UBE3C: variants seen among roughly 807,000 people sequenced by gnomAD.
UBE3C encodes ubiquitin-protein ligase E3C.
Under a neutral mutation model 129.4 loss-of-function variants are expected in UBE3C, and 42 were observed. That is an observed-to-expected ratio of 0.32 (90% CI 0.25 to 0.42). The LOEUF (loss-of-function observed/expected upper bound fraction) is 0.42. UBE3C is among the 10% of genes least tolerant of loss of function. The pLI is 1.00. For synonymous variants in UBE3C, 510 were observed against 492.4 expected (o/e 1.04, Z -0.47); for missense variants, 1,049 against 1,319.1 (o/e 0.80, Z 3.17).
intron 8 of UBE3C, 69 bp downstream of exon 8, chr7:157,182,397 G>C: frequency 6.7e-7 from 1 of 1,496,948 alleles, no homozygotes; most frequent in Non-Finnish European, 9.1e-7. Flanking sequence ...GTCAAGAGAA[G>C]GCCATGCAGT....
chr7:157,208,049 G>T, intron 13 of UBE3C, 114 bp downstream of exon 13: 1 of 124,486 alleles, frequency 8.0e-6, no homozygotes, highest in Non-Finnish European at 1.7e-5. Flanking sequence ...GTTTTAATTT[G>T]CAAGACTTTT....
rs1807631032 is a variant in UBE3C, at chr7:157,147,229, A to T, written c.66+7891A>T. On this transcript the variant is annotated intron_variant, in intron 1 of 22. Transcript: ENST00000348165. Reference sequence around the variant, plus strand: ...TTTCATTGGTTATATAATTTTCCTTATATATACCTTATACCTATTTTGTTA... The same window carrying T: ...TTTCATTGGTTATATAATTTTCCTTTTATATACCTTATACCTATTTTGTTA... Among the ~76,000 whole-genome samples the T allele has an allele frequency of 2.0e-5, 3 of 152,132 alleles. No individual in the cohort carries two copies. The South Asian group carries it at 6.2e-4, about 31-fold the overall frequency.
At chr7:157,187,636 C>T (rs762322506) in intron 10 of UBE3C, among the ~76,000 whole-genome samples, 2 of 151,154 alleles carry the variant, frequency 1.3e-5, no homozygotes, top group African/African-American at 2.4e-5. Context: ...AGTGCAGTGG[C>T]GCGATCTCGG....
intron 5 of UBE3C, 54 bp downstream of exon 5, chr7:157,175,088 A>G: frequency 1.7e-6 from 2 of 1,170,974 alleles, no homozygotes; most frequent in Non-Finnish European, 2.3e-6. Context: ...CACCTTGTCT[A>G]GGGGAACACC....
intron 1 of UBE3C, among the ~76,000 whole-genome samples, chr7:157,147,631 G>GT (rs1325302381): frequency 1.3e-5 from 2 of 152,136 alleles, no homozygotes; most frequent in African/African-American, 4.8e-5. Flanking sequence ...CTTAATCTTA[G>GT]TGGGAAAGCT....
chr7:157,223,368 C>G lies in UBE3C; in HGVS notation c.2100+17C>G. ...CGAGTAAAGGTATGCAATTTGGCTT[C>G]TTTATTGTCACTACGTATCATATTA... On this transcript the variant is annotated intron_variant, in intron 16 of 22. Transcript: ENST00000348165. 1 of 1,600,236 alleles carries G rather than the reference C, an allele frequency of 6.2e-7. No individual in the cohort carries two copies. Among genetic ancestry groups the G allele is most frequent in the Non-Finnish European group, 8.5e-7 (1 of 1,172,540 alleles).
At chr7:157,264,317 ACC>A (rs1377691636) in intron 22 of UBE3C, among the ~76,000 whole-genome samples, 1 of 84,370 alleles carries the variant, frequency 1.2e-5, no homozygotes, top group African/African-American at 4.9e-5. Context: ...ACACACACAC[ACC>A]TGGTATTACA....
chr7:157,159,736 A>G (rs771997438), intron 1 of UBE3C, among the ~76,000 whole-genome samples: 1 of 152,248 alleles, frequency 6.6e-6, no homozygotes, highest in Middle Eastern at 3.4e-3. Flanking sequence ...GCGTGGTGGC[A>G]CATGGTAATC....
chr7:157,171,678 ATATATATATTTTTTTTTTTTTTTTT>A (rs1422014424), intron 4 of UBE3C, among the ~76,000 whole-genome samples: 904 of 32,132 alleles, frequency 0.028, 18 homozygotes, highest in African/African-American at 0.074. Flanking sequence ...ATATATATAT[ATATATATATTTTTTTTTTTTTTTTT>A]TTTTTTTTTT....
intron 18 of UBE3C, among the ~76,000 whole-genome samples, chr7:157,237,846 GACCA>G (rs1182200417): frequency 1.3e-4 from 20 of 151,380 alleles, no homozygotes; most frequent in Non-Finnish European, 2.7e-4. Flanking sequence ...AGGAGTTCAA[GACCA>G]TCCTAGGCAT....
intron 19 of UBE3C, among the ~76,000 whole-genome samples, chr7:157,248,879 G>C (rs528360348): frequency 2.0e-5 from 3 of 152,278 alleles, no homozygotes; most frequent in African/African-American, 2.4e-5. Context: ...CCCGGTGCTG[G>C]GGGTGGCCGT....
At chr7:157,216,021 T>A (rs1795556850) in intron 13 of UBE3C, among the ~76,000 whole-genome samples, 1 of 152,176 alleles carries the variant, frequency 6.6e-6, no homozygotes, top group African/African-American at 2.4e-5. Flanking sequence ...TTTAAAACCA[T>A]AATAAAATAC....
intron 18 of UBE3C, among the ~76,000 whole-genome samples, chr7:157,238,582 C>T (rs947962653): frequency 5.9e-5 from 9 of 151,924 alleles, no homozygotes; most frequent in South Asian, 4.2e-4. Context: ...GGGAAAGGTG[C>T]GGGCAGGAGC....
At chr7:157,236,460 C>T (rs1396338651) in intron 18 of UBE3C, among the ~76,000 whole-genome samples, 1 of 151,982 alleles carries the variant, frequency 6.6e-6, no homozygotes, top group Non-Finnish European at 1.5e-5. Context: ...ATAACTTTGG[C>T]GTGGTTTATA....
intron 10 of UBE3C, among the ~76,000 whole-genome samples, chr7:157,201,257 G>A (rs1014215977): frequency 2.0e-5 from 3 of 152,094 alleles, no homozygotes; most frequent in African/African-American, 7.2e-5. Flanking sequence ...CCAGGAGGTG[G>A]AGGTTGCAGT....
At chr7:157,139,459 G>C in intron 1 of UBE3C, 121 bp downstream of exon 1, 1 of 935,538 alleles carries the variant, frequency 1.1e-6, no homozygotes, top group Non-Finnish European at 1.4e-6. Flanking sequence ...TGGATTCGGG[G>C]CCTCCCTGGC....
At chr7:157,208,436 A>G (rs1299552370) in intron 13 of UBE3C, among the ~76,000 whole-genome samples, 1 of 152,204 alleles carries the variant, frequency 6.6e-6, no homozygotes, top group Non-Finnish European at 1.5e-5. Flanking sequence ...AGGTAATTTA[A>G]TTAACTAAAA....
At chr7:157,249,317 A>AT (rs1330364086) in intron 19 of UBE3C, among the ~76,000 whole-genome samples, 1 of 150,012 alleles carries the variant, frequency 6.7e-6, no homozygotes, top group African/African-American at 2.5e-5. Context: ...ACATCGATAG[A>AT]GTCTTTTTTT....
In UBE3C at chr7:157,207,513, A is replaced by G. The variant is rs1224288572; in HGVS notation, c.1534A>G (p.Ile512Val). The G allele has an allele frequency of 9.3e-6, 15 of 1,613,112 alleles. No individual in the cohort carries two copies. Among genetic ancestry groups the G allele is most frequent in the Non-Finnish European group, 1.3e-5 (15 of 1,179,886 alleles). ...LFSSLFSHSL[I>V]SIHDNEFFGD... Reference sequence around the variant, plus strand: ...TAGCTCCTTGTTTAGTCATTCACTAATTTCCATACATGATAACGAATTCTT... The same window carrying G: ...TAGCTCCTTGTTTAGTCATTCACTAGTTTCCATACATGATAACGAATTCTT... Residue 512 changes from isoleucine (I) to valine (V), a missense_variant, in exon 12 of 23, where the codon ATT becomes GTT. Around this residue, in one of 4 missense-constraint regions of UBE3C, gnomAD observed 314 missense variants for 416.9 expected, o/e 0.75. Coordinates refer to ENST00000348165, the MANE Select transcript of UBE3C (RefSeq NM_014671.3).
Sources: gnomAD v4.1 joint callset for allele counts (sites outside exome capture counted in the v4.1 genomes callset) on GRCh38, gnomAD v4.1.1 for gene constraint, gnomAD v4.1.1 regional missense constraint, MANE v1.5 for transcripts, NCBI Gene and HGNC (gene_info 2026-07-23, HGNC 2026-07-21) for gene names.